ZBTB7C: variants seen among roughly 807,000 people sequenced by gnomAD.
ZBTB7C encodes zinc finger and BTB domain-containing protein 7C.
A neutral mutation model predicts 25.7 loss-of-function variants in ZBTB7C; 8 were observed. The ratio of observed to expected loss-of-function variants is 0.31; its 90% CI spans 0.18 to 0.56. ZBTB7C has a LOEUF of 0.56. ZBTB7C is among the 20% of genes least tolerant of loss of function. The pLI is 0.91. For synonymous variants in ZBTB7C, 394 were observed against 369.0 expected, an observed-to-expected ratio of 1.07 and a Z score of -0.78; for missense variants, 824 against 855.2, an observed-to-expected ratio of 0.96 and a Z score of 0.46.
At chr18:48,266,959 C>T (rs1193171331) in intron 2 of ZBTB7C, among the ~76,000 whole-genome samples, 4 of 152,084 alleles carry the variant, frequency 2.6e-5, no homozygotes, top group African/African-American at 9.7e-5. Context: ...TAGGCTCCAC[C>T]CCATTCCTTT....
intron 1 of ZBTB7C, among the ~76,000 whole-genome samples, chr18:48,368,624 C>T (rs1411114542): frequency 6.6e-6 from 1 of 152,080 alleles, no homozygotes; most frequent in Non-Finnish European, 1.5e-5. Flanking sequence ...TTAAAGAAAT[C>T]CCATGCCAAG....
In ZBTB7C at chr18:48,228,974, G is replaced by A. The variant is rs993587741; in HGVS notation, c.-78-42979C>T. Among the ~76,000 whole-genome samples the A allele has an allele frequency of 2.0e-4, 30 of 151,872 alleles. 1 individual carries two copies. Among genetic ancestry groups the A allele is most frequent in the Admixed American group, 1.0e-3 (16 of 15,252 alleles). ...TCTCCAGTGGCAGCCACAGAGCCTC[G>A]AACCATCTGGAAACATAAGCACGGC... On this transcript the variant is annotated intron_variant, in intron 2 of 4. Transcript: ENST00000590800.
At chr18:48,347,554 C>T (rs1347288722) in intron 1 of ZBTB7C, among the ~76,000 whole-genome samples, 1 of 152,006 alleles carries the variant, frequency 6.6e-6, no homozygotes, top group Non-Finnish European at 1.5e-5. Flanking sequence ...GAATCCTCAC[C>T]CTGCTGCCTC....
chr18:48,245,648 G>T, intron 2 of ZBTB7C, among the ~76,000 whole-genome samples: 1 of 152,010 alleles, frequency 6.6e-6, no homozygotes, highest in South Asian at 2.1e-4. Flanking sequence ...AAACAAGGGG[G>T]CAAACCAAGA....
At chr18:48,300,868 G>A (rs992711146) in intron 2 of ZBTB7C, among the ~76,000 whole-genome samples, 4 of 152,262 alleles carry the variant, frequency 2.6e-5, no homozygotes, top group Admixed American at 6.5e-5. Flanking sequence ...GGACGGCTTC[G>A]CTGCAAAGCA....
At chr18:48,349,015 G>A (rs2046803938) in intron 1 of ZBTB7C, among the ~76,000 whole-genome samples, 1 of 152,186 alleles carries the variant, frequency 6.6e-6, no homozygotes, top group African/African-American at 2.4e-5. Flanking sequence ...ACAGATGGGA[G>A]GCATGGAAGC....
At chr18:48,310,862 C>T (rs6507839) in intron 2 of ZBTB7C, among the ~76,000 whole-genome samples, 122,696 of 152,196 alleles carry the variant, frequency 0.81, 49,962 homozygotes, top group East Asian at 0.96. Context: ...CTCTACATCT[C>T]GGCCTTCCAA....
At chr18:48,179,577 G>C (rs2041812002) in intron 3 of ZBTB7C, among the ~76,000 whole-genome samples, 1 of 152,250 alleles carries the variant, frequency 6.6e-6, no homozygotes, top group South Asian at 2.1e-4. Context: ...GCCAGGGTGG[G>C]AGACCATCTC....
At chr18:48,178,618 C>T (rs1032836670) in intron 3 of ZBTB7C, among the ~76,000 whole-genome samples, 2 of 152,162 alleles carry the variant, frequency 1.3e-5, no homozygotes, top group Non-Finnish European at 2.9e-5. Flanking sequence ...TTCTGAGAGA[C>T]ACTTGGGGCT....
intron 2 of ZBTB7C, among the ~76,000 whole-genome samples, chr18:48,258,464 A>G (rs1485164592): frequency 1.3e-5 from 2 of 152,242 alleles, no homozygotes; most frequent in Admixed American, 1.3e-4. Flanking sequence ...AGCTACTGAC[A>G]GTAACACCAA....
Position 48,075,199 on chromosome 18 carries a change from G to A in ZBTB7C, c.-16-34076C>T, listed in dbSNP as rs2037714655. ...GAGGACGCATTTGAGCTTCATCAAT[G>A]TGCTGGGTAGATGGCACTGCCAAAC... On this transcript the variant is annotated intron_variant, in intron 3 of 4. Transcript: ENST00000590800. Among the ~76,000 whole-genome samples, 3 of 152,298 alleles carry A rather than the reference G, an allele frequency of 2.0e-5. No homozygotes were observed. The South Asian group carries it at 6.2e-4, about 32-fold the overall frequency.
intron 3 of ZBTB7C, among the ~76,000 whole-genome samples, chr18:48,063,971 C>G (rs998770495): frequency 6.6e-6 from 1 of 152,094 alleles, no homozygotes; most frequent in Non-Finnish European, 1.5e-5. Flanking sequence ...CTCTGGCAAT[C>G]CAGTCCTCCT....
At chr18:48,066,217 G>A (rs371455521) in intron 3 of ZBTB7C, among the ~76,000 whole-genome samples, 19 of 152,158 alleles carry the variant, frequency 1.2e-4, no homozygotes, top group East Asian at 5.8e-4. Flanking sequence ...CTTGGTTTGC[G>A]GCTCTGTCTC....
At chr18:48,065,599 G>A (rs2037299463) in intron 3 of ZBTB7C, among the ~76,000 whole-genome samples, 1 of 152,186 alleles carries the variant, frequency 6.6e-6, no homozygotes, top group Non-Finnish European at 1.5e-5. Context: ...GGGCTCTCAG[G>A]AGGTTGCTGG....
At chr18:48,333,698 A>G (rs1304463407) in intron 2 of ZBTB7C, among the ~76,000 whole-genome samples, 1 of 152,206 alleles carries the variant, frequency 6.6e-6, no homozygotes, top group Non-Finnish European at 1.5e-5. Context: ...GACAGCCTTG[A>G]GAGCTTGGGG....
At chr18:48,229,245 A>G (rs1480348285) in intron 2 of ZBTB7C, among the ~76,000 whole-genome samples, 2 of 152,146 alleles carry the variant, frequency 1.3e-5, no homozygotes, top group African/African-American at 2.4e-5. Flanking sequence ...GGTGACTTCA[A>G]AAAACAGCCA....
chr18:48,376,241 G>A (rs1406398259), intron 1 of ZBTB7C, among the ~76,000 whole-genome samples: 3 of 152,178 alleles, frequency 2.0e-5, no homozygotes, highest in Non-Finnish European at 4.4e-5. Context: ...ATGTCCATTC[G>A]CATTTTAAAT....
chr18:48,335,211 A>G (rs951006533), intron 2 of ZBTB7C, among the ~76,000 whole-genome samples: 8 of 152,268 alleles, frequency 5.3e-5, no homozygotes, highest in Admixed American at 5.2e-4. Context: ...AATGCCAGTT[A>G]GGAAACTTTC....
intron 2 of ZBTB7C, among the ~76,000 whole-genome samples, chr18:48,277,837 CT>C (rs11325746): frequency 0.033 from 4,830 of 146,518 alleles, 106 homozygotes; most frequent in African/African-American, 0.063. Flanking sequence ...ACCACATGAG[CT>C]TTTTTTTTTT....
Sources: allele counts gnomAD v4.1 joint callset (sites outside exome capture counted in the v4.1 genomes callset), GRCh38; gene constraint gnomAD v4.1.1; transcripts MANE v1.5; gene names NCBI Gene and HGNC (gene_info 2026-07-23, HGNC 2026-07-21).